Variants in RUNDC3A observed in about 807,000 individuals in gnomAD.
RUNDC3A encodes RUN domain containing 3A.
In RUNDC3A, 28 loss-of-function variants were observed where a neutral mutation model predicts 53.9. The observed-to-expected ratio is 0.52, with a 90% CI of 0.38 to 0.71. The LOEUF is 0.71. RUNDC3A is among the 30% of genes least tolerant of loss of function. The pLI, the probability that RUNDC3A is intolerant of heterozygous loss-of-function variation, is 0.00. For synonymous variants in RUNDC3A, 232 were observed against 249.4 expected (o/e 0.93, Z 0.66); for missense variants, 491 against 597.3 (o/e 0.82, Z 1.85).
intron 1 of RUNDC3A, among the ~76,000 whole-genome samples, chr17:44,309,206 A>AG (rs2047701970): frequency 6.6e-6 from 1 of 151,158 alleles, no homozygotes; most frequent in African/African-American, 2.4e-5. Context: ...TGTGAGAACC[A>AG]GGAAGTGACA....
intron 10 of RUNDC3A, chr17:44,317,557 C>T (rs2047893427): frequency 1.3e-6 from 1 of 780,722 alleles, no homozygotes; most frequent in Admixed American, 1.7e-5. Context: ...TTTGTGTTGA[C>T]CTCATCCCTG....
intron 4 of RUNDC3A, chr17:44,314,285 G>C: frequency 9.8e-7 from 1 of 1,017,362 alleles, no homozygotes; most frequent in Non-Finnish European, 1.2e-6. Flanking sequence ...TGCCTGTGTG[G>C]GCAGGTGCAT....
intron 1 of RUNDC3A, among the ~76,000 whole-genome samples, chr17:44,312,357 C>T (rs1162456033): frequency 1.3e-5 from 2 of 152,124 alleles, no homozygotes; most frequent in Non-Finnish European, 2.9e-5. Flanking sequence ...CAATCAGTCT[C>T]CCACCTGTCA....
At chr17:44,314,317 G>A (rs561674652) in intron 4 of RUNDC3A, 74 of 1,022,286 alleles carry the variant, frequency 7.2e-5, no homozygotes, top group Admixed American at 2.6e-4. Flanking sequence ...TGGGTGTGGC[G>A]GGGGGCATAT....
intron 2 of RUNDC3A, 72 bp from the exon 3 acceptor site, chr17:44,313,032 G>T (rs1260805366): frequency 2.0e-6 from 3 of 1,531,934 alleles, no homozygotes; most frequent in Non-Finnish European, 9.0e-7. Context: ...GCTTATGCAT[G>T]TGAGTGCCTC....
chr17:44,313,529 C>A, intron 4 of RUNDC3A, 26 bp downstream of exon 4: 11 of 1,600,952 alleles, frequency 6.9e-6, no homozygotes, highest in Non-Finnish European at 9.4e-6. Flanking sequence ...CAACTCAGAC[C>A]ACAGGTCTCA....
chr17:44,315,439 C>A lies in RUNDC3A; in HGVS notation c.796-13C>A, dbSNP rs1469275923. 1.4e-6 allele frequency: 2 copies of A among 1,435,580 alleles called. No homozygotes were observed. Among genetic ancestry groups the A allele is most frequent in the African/African-American group, 3.0e-5 (2 of 67,160 alleles). The allele number at this position is 1,435,580 out of a possible 1,614,324, so 88.9% of individuals were successfully genotyped here. ...GTCCTCCCAGCCGCCCGGGCTGAGC[C>A]GGCGCCCCGCAGGGCTACCTGGAGG... On this transcript the variant is annotated splice_polypyrimidine_tract_variant and intron_variant, in intron 7 of 10. Coordinates refer to ENST00000426726, the MANE Select transcript of RUNDC3A (RefSeq NM_001144825.2). This position sits in a 1 kb window ranked among gnomAD's most constrained non-coding sequence, Gnocchi z 6.1.
chr17:44,312,953 G>A (rs1004865914), intron 2 of RUNDC3A, 151 bp from the exon 3 acceptor site: 4 of 813,302 alleles, frequency 4.9e-6, no homozygotes, highest in Admixed American at 2.7e-5. Flanking sequence ...ATGGGCAAGC[G>A]ATATGCTGGG....
At chr17:44,314,677 G>GGA in intron 4 of RUNDC3A, 58 bp from the exon 5 acceptor site, 2 of 1,011,564 alleles carry the variant, frequency 2.0e-6, no homozygotes, top group Non-Finnish European at 2.6e-6. Context: ...GCAGCTCTGG[G>GGA]GGGGGGGGGG....
Position 44,318,089 on chromosome 17 carries a change from T to C in RUNDC3A, c.1199-7T>C, listed in dbSNP as rs186667277. ...GTCGCTTGGCCTCACCTGCCCTCTC[T>C]CCCCAGGGAAGGACCCCACGCCCTC... On this transcript the variant is annotated splice_region_variant and splice_polypyrimidine_tract_variant and intron_variant, in intron 10 of 10. Coordinates refer to ENST00000426726, the MANE Select transcript of RUNDC3A (RefSeq NM_001144825.2). 81 of 1,550,206 alleles carry C rather than the reference T, an allele frequency of 5.2e-5. No individual in the cohort carries two copies. Among genetic ancestry groups the C allele is most frequent in the African/African-American group, 1.4e-4 (10 of 73,106 alleles).
chr17:44,317,947 C>T (rs972233428), intron 10 of RUNDC3A, 149 bp from the exon 11 acceptor site: 9 of 783,384 alleles, frequency 1.1e-5, no homozygotes, highest in Non-Finnish European at 1.6e-5. Flanking sequence ...AGGTGCTTAA[C>T]CAAAGTTTAA....
At chr17:44,314,302 C>G in intron 4 of RUNDC3A, 1 of 1,021,698 alleles carries the variant, frequency 9.8e-7, no homozygotes, top group Non-Finnish European at 1.2e-6. Flanking sequence ...GCATCTGAAG[C>G]TGTCTGGGTG....
chr17:44,309,281 G>A (rs1266047604), intron 1 of RUNDC3A, among the ~76,000 whole-genome samples: 1 of 152,158 alleles, frequency 6.6e-6, no homozygotes, highest in African/African-American at 2.4e-5. Flanking sequence ...AGGATGGACA[G>A]AGGGGACCCC....
chr17:44,315,641 C>A lies in RUNDC3A; in HGVS notation c.953+32C>A. 7.2e-7 allele frequency: 1 copy of A among 1,381,262 alleles called. No individual in the cohort carries two copies. 85.6% of individuals were successfully genotyped at this position (1,381,262 alleles called of 1,614,324 possible). On this transcript the variant is annotated intron_variant, in intron 8 of 10. Coordinates refer to ENST00000426726, the MANE Select transcript of RUNDC3A (RefSeq NM_001144825.2). This position sits in a 1 kb window ranked among gnomAD's most constrained non-coding sequence, Gnocchi z 6.1. Reference sequence around the variant, plus strand: ...GCACGGCCTGCCCTAACCCCTGACCCCCGCCGCCCCGACCACATCACCGGG... The same window carrying A: ...GCACGGCCTGCCCTAACCCCTGACCACCGCCGCCCCGACCACATCACCGGG...
Position 44,318,502 on chromosome 17 carries a change from A to C in RUNDC3A, c.*264A>C. 4.2e-6 allele frequency: 2 copies of C among 481,644 alleles called. No homozygotes were observed. Among genetic ancestry groups the C allele is most frequent in the Admixed American group, 3.3e-5 (1 of 30,076 alleles). 29.8% of individuals were successfully genotyped at this position (481,644 alleles called of 1,614,324 possible). A position where few individuals can be genotyped will look rare whatever the true frequency, so the allele number is the denominator to read the frequency against. Reference sequence around the variant, plus strand: ...GGAAGCCTGCTCCATTCTTCTGGTGACCTTGGCGCTCCTTCACTCATCTCC... The same window carrying C: ...GGAAGCCTGCTCCATTCTTCTGGTGCCCTTGGCGCTCCTTCACTCATCTCC... On this transcript the variant is annotated 3_prime_UTR_variant, in exon 11 of 11. Transcript: ENST00000426726.
rs1598329393 is a variant in RUNDC3A, at chr17:44,315,348, C to T, written c.795+28C>T. 3 of 813,874 alleles carry T rather than the reference C, an allele frequency of 3.7e-6. No homozygotes were observed. In the African/African-American group the frequency reaches 6.4e-5, roughly 17 times the overall value. 50.4% of individuals were successfully genotyped at this position (813,874 alleles called of 1,614,324 possible). A position where few individuals can be genotyped will look rare whatever the true frequency, so the allele number is the denominator to read the frequency against. On this transcript the variant is annotated intron_variant, in intron 7 of 10. Coordinates refer to ENST00000426726, the MANE Select transcript of RUNDC3A (RefSeq NM_001144825.2). This position sits in a 1 kb window ranked among gnomAD's most constrained non-coding sequence, Gnocchi z 6.1. ...GCGCGACGCCGGCGGGCCCGGGGGG[C>T]GGGCGGGCCGGGCGGGGGATCCGGG...
chr17:44,317,352 G>T (rs1598332523), intron 10 of RUNDC3A: 1 of 723,866 alleles, frequency 1.4e-6, no homozygotes, highest in South Asian at 1.5e-5. Flanking sequence ...AGGGCTCAGT[G>T]GTTTTTTAGT....
At position 44,316,948 on chromosome 17, in the gene RUNDC3A, G is replaced by A. The variant is rs1235327122; in HGVS notation, c.1198+223G>A. The A allele has an allele frequency of 1.3e-5, 6 of 474,736 alleles. No individual in the cohort carries two copies. In the Admixed American group the frequency reaches 1.5e-4, roughly 12 times the overall value. The allele number at this position is 474,736 out of a possible 1,614,324, so 29.4% of individuals were successfully genotyped here. On this transcript the variant is annotated intron_variant, in intron 10 of 10. Coordinates refer to ENST00000426726, the MANE Select transcript of RUNDC3A (RefSeq NM_001144825.2). ...AGGGATTCCCTTGCCTCAGCCTCCC[G>A]AGTAGCTGGGATTAAAAGCGCCTGC...
chr17:44,308,648 T>C lies in RUNDC3A; in HGVS notation c.-185T>C. On this transcript the variant is annotated 5_prime_UTR_variant, in exon 1 of 11. Transcript: ENST00000426726. ...AGCTCCCTCCCCGGCCTTGTTTTGC[T>C]CTGGCATCGCCGCCGGGGGAGGGAG... 1 of 468,090 alleles carries C rather than the reference T, an allele frequency of 2.1e-6. No individual in the cohort carries two copies. The highest frequency in any genetic ancestry group is 3.9e-5 in the South Asian group (1 of 25,640). 29.0% of individuals were successfully genotyped at this position (468,090 alleles called of 1,614,324 possible).
Sources: gnomAD v4.1 joint callset for allele counts (sites outside exome capture counted in the v4.1 genomes callset) on GRCh38, gnomAD v4.1.1 for gene constraint, Gnocchi (gnomAD v3.1) non-coding constraint, MANE v1.5 for transcripts, NCBI Gene and HGNC (gene_info 2026-07-23, HGNC 2026-07-21) for gene names.